Variants in DSE observed in about 807,000 individuals in gnomAD.
DSE encodes dermatan-sulfate epimerase.
Under a neutral mutation model 84.4 loss-of-function variants are expected in DSE, and 36 were observed. The ratio of observed to expected loss-of-function variants is 0.43; its 90% CI spans 0.33 to 0.56. DSE has a LOEUF of 0.56. Among genes scored for constraint, DSE ranks in the 20% least tolerant of loss-of-function variants. The pLI is 0.06. For synonymous variants in DSE, 410 were observed against 430.1 expected (o/e 0.95, Z 0.58); for missense variants, 862 against 1,169.6 (o/e 0.74, Z 3.84).
intron 2 of DSE, among the ~76,000 whole-genome samples, chr6:116,322,840 T>C (rs1038140376): frequency 6.6e-6 from 1 of 152,086 alleles, no homozygotes; most frequent in African/African-American, 2.4e-5. Context: ...AGTGGCAGGG[T>C]AGAAGAGACT....
At chr6:116,299,201 A>C (rs1349080858) in intron 2 of DSE, among the ~76,000 whole-genome samples, 1 of 152,108 alleles carries the variant, frequency 6.6e-6, no homozygotes, top group Non-Finnish European at 1.5e-5. Context: ...TAGAAATTGC[A>C]CAGTTGTGTC....
rs1383886105 is a variant in DSE at position 116,441,932 on chromosome 6, G to A, written c.*4587G>A. 2.0e-5 allele frequency: 3 copies of A among 152,228 alleles called. No individual in the cohort carries two copies. Among genetic ancestry groups the A allele is most frequent in the South Asian group, 4.1e-4 (2 of 4,828 alleles). The allele number at this position is 152,228 out of a possible 1,614,324, so 9.4% of individuals were successfully genotyped here. ...TGGCCCTTGTATAGTTTATGTTCTA[G>A]TGGGAGCAAATAATAACAGTAATAG... On this transcript the variant is annotated 3_prime_UTR_variant, in exon 6 of 6. Coordinates refer to ENST00000644252, the MANE Select transcript of DSE (RefSeq NM_013352.4).
rs557377231 is a variant in DSE at position 116,315,271 on chromosome 6, A to G, written c.-54+56304A>G. 3.3e-5 allele frequency among the ~76,000 whole-genome samples: 5 copies of G among 152,074 alleles called. No homozygotes were observed. The South Asian group carries it at 6.2e-4, about 19-fold the overall frequency. On this transcript the variant is annotated intron_variant, in intron 2 of 3. Coordinates refer to the DSE transcript ENST00000430252. ...GTGAGGGTGAAAAATCAATACACACATACTCTCTCAATTCTCTCTGTCCTG... is the reference window on the plus strand; with the variant it reads ...GTGAGGGTGAAAAATCAATACACACGTACTCTCTCAATTCTCTCTGTCCTG...
In DSE at chr6:116,443,956, C is replaced by A. The variant is rs888033796; in HGVS notation, c.*6611C>A. On this transcript the variant is annotated 3_prime_UTR_variant, in exon 6 of 6. Transcript: ENST00000644252. Reference sequence around the variant, plus strand: ...TGTACTTTTCAGTCTCTGCTGTTTACCATTTTTGTCCAGGATCAGAGACCT... The same window carrying A: ...TGTACTTTTCAGTCTCTGCTGTTTAACATTTTTGTCCAGGATCAGAGACCT... 1 of 152,140 alleles carries A rather than the reference C, an allele frequency of 6.6e-6. No individual in the cohort carries two copies. The highest frequency in any genetic ancestry group is 2.4e-5 in the African/African-American group (1 of 41,432). The allele number at this position is 152,140 out of a possible 1,614,324, so 9.4% of individuals were successfully genotyped here. A position where few individuals can be genotyped will look rare whatever the true frequency, so the allele number is the denominator to read the frequency against.
In DSE at chr6:116,437,453, A is replaced by G; in HGVS notation, c.*108A>G. ...GATTTTTTTCCCTCAGATTCATTTTAACAAATTAAGGGAAGATATTTTGAC... is the reference window on the plus strand; with the variant it reads ...GATTTTTTTCCCTCAGATTCATTTTGACAAATTAAGGGAAGATATTTTGAC... On this transcript the variant is annotated 3_prime_UTR_variant, in exon 6 of 6. Transcript: ENST00000644252. 6 of 1,078,414 alleles carry G rather than the reference A, an allele frequency of 5.6e-6. No individual in the cohort carries two copies. In the South Asian group the frequency reaches 1.1e-4, roughly 19 times the overall value. 66.8% of individuals were successfully genotyped at this position (1,078,414 alleles called of 1,614,324 possible). A position where few individuals can be genotyped will look rare whatever the true frequency, so the allele number is the denominator to read the frequency against.
At chr6:116,373,701 T>C (rs1356294420) in intron 1 of DSE, among the ~76,000 whole-genome samples, 1 of 152,236 alleles carries the variant, frequency 6.6e-6, no homozygotes, top group Admixed American at 6.5e-5. Flanking sequence ...GAGATGAAGC[T>C]CTTAACTTCG....
intron 2 of DSE, among the ~76,000 whole-genome samples, chr6:116,295,682 T>C (rs1774619991): frequency 6.6e-6 from 1 of 152,206 alleles, no homozygotes; most frequent in Non-Finnish European, 1.5e-5. Context: ...TTTCAAGGCA[T>C]CACTAAACCC....
chr6:116,397,583 G>T (rs1781343541), intron 1 of DSE, among the ~76,000 whole-genome samples: 1 of 152,148 alleles, frequency 6.6e-6, no homozygotes, highest in East Asian at 1.9e-4. Context: ...AGCCATTTCT[G>T]TGTGCTGCCA....
chr6:116,410,534 C>T (rs1352497325), intron 2 of DSE, among the ~76,000 whole-genome samples: 1 of 151,890 alleles, frequency 6.6e-6, no homozygotes, highest in Non-Finnish European at 1.5e-5. Flanking sequence ...GAGATCGAGA[C>T]CATCATGGCT....
intron 2 of DSE, among the ~76,000 whole-genome samples, chr6:116,334,801 A>G (rs531831268): frequency 2.6e-5 from 4 of 152,384 alleles, no homozygotes; most frequent in South Asian, 4.1e-4. Flanking sequence ...AAAGCCCAAC[A>G]TCAATGATCA....
Position 116,430,878 on chromosome 6 carries a change from G to C in DSE, c.671-76G>C, listed in dbSNP as rs961832738. On this transcript the variant is annotated intron_variant, in intron 3 of 5. Transcript: ENST00000644252. ...TATAAACTAGTTAGATAACTCAGAGGGTTTTATTGGCCATATTTTTGTTTA... is the reference window on the plus strand; with the variant it reads ...TATAAACTAGTTAGATAACTCAGAGCGTTTTATTGGCCATATTTTTGTTTA... 108 of 1,566,264 alleles carry C rather than the reference G, an allele frequency of 6.9e-5. No individual in the cohort carries two copies. In the Admixed American group the frequency reaches 2.0e-3, roughly 28 times the overall value.
At chr6:116,258,921 C>T (rs1772277921) in exon 2 of DSE, 5 of 1,569,272 alleles carry the variant, frequency 3.2e-6, no homozygotes, top group Middle Eastern at 1.7e-4. Context: ...CAATGGGACA[C>T]TGAGCTTTGT....
intron 2 of DSE, among the ~76,000 whole-genome samples, chr6:116,409,085 T>C (rs1316770147): frequency 6.6e-6 from 1 of 152,202 alleles, no homozygotes; most frequent in Non-Finnish European, 1.5e-5. Flanking sequence ...TGGGGATATA[T>C]ATGATATATA....
At chr6:116,407,706 A>G (rs776624542) in intron 2 of DSE, among the ~76,000 whole-genome samples, 2 of 152,086 alleles carry the variant, frequency 1.3e-5, no homozygotes, top group African/African-American at 2.4e-5. Context: ...GCATTTTGCT[A>G]TTGGTGATTC....
intron 2 of DSE, among the ~76,000 whole-genome samples, chr6:116,294,156 T>C (rs1001243217): frequency 2.0e-5 from 3 of 151,960 alleles, no homozygotes; most frequent in African/African-American, 7.2e-5. Flanking sequence ...CCCAAGTAGC[T>C]AGGACTACAG....
At chr6:116,379,292 C>G (rs1415013159) in intron 1 of DSE, among the ~76,000 whole-genome samples, 1 of 152,132 alleles carries the variant, frequency 6.6e-6, no homozygotes, top group Non-Finnish European at 1.5e-5. Context: ...ATTTCGAGTT[C>G]TGTTTCAGGT....
At chr6:116,358,199 G>A in intron 2 of DSE, among the ~76,000 whole-genome samples, 1 of 152,132 alleles carries the variant, frequency 6.6e-6, no homozygotes, top group African/African-American at 2.4e-5. Flanking sequence ...ACTTGTAGGT[G>A]ATTTTTTTGT....
chr6:116,400,042 A>C (rs375817140), intron 2 of DSE: 2 of 181,346 alleles, frequency 1.1e-5, no homozygotes. Context: ...GCAGCAAGAC[A>C]TTTCAAGTAA....
At chr6:116,262,251 G>C (rs572983410) in intron 2 of DSE, among the ~76,000 whole-genome samples, 1 of 151,982 alleles carries the variant, frequency 6.6e-6, no homozygotes, top group East Asian at 1.9e-4. Context: ...TGTTGTTGTT[G>C]TTGTTTTGGT....
Sources: allele counts gnomAD v4.1 joint callset (sites outside exome capture counted in the v4.1 genomes callset), GRCh38; gene constraint gnomAD v4.1.1; transcripts MANE v1.5; gene names NCBI Gene and HGNC (gene_info 2026-07-23, HGNC 2026-07-21).